Variants in ARHGEF40 observed in about 807,000 individuals in gnomAD.
ARHGEF40 encodes the protein Rho guanine nucleotide exchange factor 40.
A neutral mutation model predicts 165.9 loss-of-function variants in ARHGEF40; 98 were observed. The observed-to-expected ratio is 0.59, with a 90% CI of 0.50 to 0.70. The LOEUF is 0.70. ARHGEF40 is among the 30% of genes least tolerant of loss of function. The pLI, the probability that ARHGEF40 is intolerant of heterozygous loss-of-function variation, is 0.00. For synonymous variants in ARHGEF40, 792 were observed against 814.3 expected, an observed-to-expected ratio of 0.97 and a Z score of 0.47; for missense variants, 1,815 against 1,968.0, an observed-to-expected ratio of 0.92 and a Z score of 1.47.
Position 21,075,650 on chromosome 14 carries a change from G to A in ARHGEF40, c.1624G>A (p.Val542Met). ...ASGFLILTGG[V>M]DQSGRALLTI... ...TGGCCATTTTGTGTCTTCAGGAGGG[G>A]TGGACCAGAGTGGGCGAGCTCTGCT... The change falls in exon 5 of 24, where the codon GTG (valine) becomes ATG (methionine). Residue 542 changes from valine (V) to methionine (M), a missense_variant. By Grantham distance (21) the Val-to-Met change is conservative. Transcript: ENST00000298694. The surrounding 1 kb of genome is among the most constrained non-coding windows in gnomAD (Gnocchi z 4.5). 5 of 1,614,038 alleles carry A rather than the reference G, an allele frequency of 3.1e-6. No individual in the cohort carries two copies. Among genetic ancestry groups the A allele is most frequent in the Middle Eastern group, 1.7e-4 (1 of 6,022 alleles).
chr14:21,082,553 C>A, intron 15 of ARHGEF40, 75 bp downstream of exon 15: 1 of 1,435,582 alleles, frequency 7.0e-7, no homozygotes, highest in Non-Finnish European at 9.3e-7. Context: ...CCCTCTTTCT[C>A]AGTACCCACG....
chr14:21,069,643 A>G (rs1886514919), upstream of ARHGEF40, among the ~76,000 whole-genome samples: 1 of 152,180 alleles, frequency 6.6e-6, no homozygotes, highest in African/African-American at 2.4e-5. Flanking sequence ...CGCCTTCCCC[A>G]GGCAACACAG....
At chr14:21,087,236 C>T in intron 20 of ARHGEF40, 84 bp from the exon 21 acceptor site, 3 of 1,580,648 alleles carry the variant, frequency 1.9e-6, no homozygotes, top group Non-Finnish European at 2.6e-6. Flanking sequence ...CTGGGAGGCC[C>T]TCTGTGAGAC....
intron 18 of ARHGEF40, among the ~76,000 whole-genome samples, chr14:21,085,375 T>G (rs1888250958): frequency 6.6e-6 from 1 of 152,206 alleles, no homozygotes; most frequent in Non-Finnish European, 1.5e-5. Flanking sequence ...TCTAAGGGTT[T>G]CTAGACTTTG....
chr14:21,065,746 G>T (rs1223603232), upstream of ARHGEF40, among the ~76,000 whole-genome samples: 2 of 152,150 alleles, frequency 1.3e-5, no homozygotes, highest in Non-Finnish European at 2.9e-5. Flanking sequence ...CAGAAGGAAA[G>T]AAGAGCAAAA....
chr14:21,082,803 A>T, intron 15 of ARHGEF40, 28 bp from the exon 16 acceptor site: 2 of 1,606,596 alleles, frequency 1.2e-6, no homozygotes, highest in Non-Finnish European at 1.7e-6. Flanking sequence ...CTCACCGGGG[A>T]CTCCTTATCT....
At position 21,079,149 on chromosome 14, in the gene ARHGEF40, G is replaced by C. The variant is rs1393220460; in HGVS notation, c.2373+139G>C. 4.9e-6 allele frequency: 6 copies of C among 1,231,142 alleles called. No homozygotes were observed. The East Asian group carries it at 1.3e-4, about 27-fold the overall frequency. The allele number at this position is 1,231,142 out of a possible 1,614,324, so 76.3% of individuals were successfully genotyped here. A position where few individuals can be genotyped will look rare whatever the true frequency, so the allele number is the denominator to read the frequency against. On this transcript the variant is annotated intron_variant, in intron 11 of 23. Coordinates refer to ENST00000298694, the MANE Select transcript of ARHGEF40 (RefSeq NM_018071.5). ...CCCTCCCTCCTCCTCACATTTGTTG[G>C]TCAGTGTGAGATTGAACAAGAGGGT...
At position 21,075,417 on chromosome 14, in the gene ARHGEF40, A is replaced by G; in HGVS notation, c.1536A>G (p.Pro512=). 4 of 1,614,234 alleles carry G rather than the reference A, an allele frequency of 2.5e-6. No homozygotes were observed. Among genetic ancestry groups the G allele is most frequent in the African/African-American group, 1.3e-5 (1 of 75,062 alleles). Residue 512 remains proline (P), a synonymous_variant, in exon 4 of 24, where the codon CCA becomes CCG. Transcript: ENST00000298694. This position sits in a 1 kb window ranked among gnomAD's most constrained non-coding sequence, Gnocchi z 4.5. ...AGGAAGGAAAAGGGGACAACATTCCAGAAGAGGCCCTTGCAGTCTCCGTCT... is the reference window on the plus strand; with the variant it reads ...AGGAAGGAAAAGGGGACAACATTCCGGAAGAGGCCCTTGCAGTCTCCGTCT... ...TVQEGKGDNI[P]EEALAVSVSD...
At position 21,073,285 on chromosome 14, in the gene ARHGEF40, C is replaced by A. The variant is rs757180835; in HGVS notation, c.201+43C>A. The A allele has an allele frequency of 1.9e-6, 3 of 1,550,508 alleles. No individual in the cohort carries two copies. Among genetic ancestry groups the A allele is most frequent in the Non-Finnish European group, 2.6e-6 (3 of 1,146,204 alleles). ...ACTATTCTGCCTTCCCCAAGATCCA[C>A]TGCCACACTCTACAGACTAGCCAGG... On this transcript the variant is annotated intron_variant, in intron 2 of 23. Transcript: ENST00000298694. The surrounding 1 kb of genome is among the most constrained non-coding windows in gnomAD (Gnocchi z 4.6).
chr14:21,084,720 T>C (rs1483978840), intron 17 of ARHGEF40, 33 bp from the exon 18 acceptor site: 1 of 1,601,520 alleles, frequency 6.2e-7, no homozygotes, highest in Non-Finnish European at 8.5e-7. Flanking sequence ...AAAGGGCCCC[T>C]GGGCCAACCA....
chr14:21,088,047 G>C lies in ARHGEF40; in HGVS notation c.4467G>C (p.Gly1489=). 1 of 1,614,006 alleles carries C rather than the reference G, an allele frequency of 6.2e-7. No individual in the cohort carries two copies. The highest frequency in any genetic ancestry group is 2.2e-5 in the East Asian group (1 of 44,872). Residue 1489 remains glycine (G), a synonymous_variant, in exon 22 of 24, where the codon GGG becomes GGC. Coordinates refer to ENST00000298694, the MANE Select transcript of ARHGEF40 (RefSeq NM_018071.5). ...CCAGCCTGCAACCCCCCCACCCTGG[G>C]AGCAGCACTCCCACCCTGGCCAGTC... is the stretch of plus-strand genomic sequence containing the variant. ...NSPSLQPPHP[G]SSTPTLASRG...
chr14:21,075,258 C>A lies in ARHGEF40; in HGVS notation c.1451-74C>A, dbSNP rs1351677772. 1 of 1,592,302 alleles carries A rather than the reference C, an allele frequency of 6.3e-7. No individual in the cohort carries two copies. ...CTATGGGAGGGGGCAGGAGGAGGAGCAGGGTTAGGCTGGGAGCAGAACAAC... is the reference window on the plus strand; with the variant it reads ...CTATGGGAGGGGGCAGGAGGAGGAGAAGGGTTAGGCTGGGAGCAGAACAAC... On this transcript the variant is annotated intron_variant, in intron 3 of 23. Coordinates refer to ENST00000298694, the MANE Select transcript of ARHGEF40 (RefSeq NM_018071.5). The surrounding 1 kb of genome is among the most constrained non-coding windows in gnomAD (Gnocchi z 4.5).
At chr14:21,078,006 A>G (rs1327770604) in intron 8 of ARHGEF40, among the ~76,000 whole-genome samples, 171 bp from the exon 9 acceptor site, 1 of 152,290 alleles carries the variant, frequency 6.6e-6, no homozygotes, top group Non-Finnish European at 1.5e-5. Context: ...ACTGAAGTTC[A>G]GGAAGGTTTC....
chr14:21,081,498 T>C lies in ARHGEF40; in HGVS notation c.2641-11T>C. 7 of 1,612,532 alleles carry C rather than the reference T, an allele frequency of 4.3e-6. No homozygotes were observed. Among genetic ancestry groups the C allele is most frequent in the African/African-American group, 1.3e-5 (1 of 75,050 alleles). ...CTTTCTCTCCCATCCCCAACCCCTT[T>C]GACTTCGTAGGCACATGAATGGGTG... On this transcript the variant is annotated splice_polypyrimidine_tract_variant and intron_variant, in intron 13 of 23. Coordinates refer to ENST00000298694, the MANE Select transcript of ARHGEF40 (RefSeq NM_018071.5).
chr14:21,084,754 T>C lies in ARHGEF40; in HGVS notation c.3791T>C (p.Ile1264Thr), dbSNP rs1008346266. ...LAVEAVRGCE[I>T]DLKEQGQLLH... ...CACTTTTCCTTTTCCTTTCTCCAGA[T>C]AGATCTGAAGGAGCAGGGACAGCTC... Residue 1264 changes from isoleucine (I) to threonine (T), a missense_variant and splice_region_variant, in exon 18 of 24, where the codon ATA (isoleucine) becomes ACA (threonine). Coordinates refer to ENST00000298694, the MANE Select transcript of ARHGEF40 (RefSeq NM_018071.5). 15 of 1,612,282 alleles carry C rather than the reference T, an allele frequency of 9.3e-6. No individual in the cohort carries two copies. The highest frequency in any genetic ancestry group is 6.7e-5 in the Admixed American group (4 of 59,738).
intron 18 of ARHGEF40, 68 bp downstream of exon 18, chr14:21,084,991 C>T: frequency 6.4e-7 from 1 of 1,562,028 alleles, no homozygotes; most frequent in Non-Finnish European, 8.7e-7. Flanking sequence ...TCAGGATGTT[C>T]TGGAAATTCA....
chr14:21,088,597 G>T (rs1407894689), intron 22 of ARHGEF40, among the ~76,000 whole-genome samples: 1 of 152,042 alleles, frequency 6.6e-6, no homozygotes, highest in African/African-American at 2.4e-5. Context: ...GAAGCAGGAG[G>T]ATCTCTTGAG....
rs115072086 is a variant in ARHGEF40 at position 21,073,080 on chromosome 14, T to G, written c.39T>G (p.Thr13=). ...CAGTGGAGGACTGTGTGCAGAGCACTCTCGCCGCCCTGTATCCACCCTTTG... is the reference window on the plus strand; with the variant it reads ...CAGTGGAGGACTGTGTGCAGAGCACGCTCGCCGCCCTGTATCCACCCTTTG... ...PEPVEDCVQS[T]LAALYPPFEA... Residue 13 remains threonine, a synonymous_variant, in exon 2 of 24, where the codon ACT becomes ACG. Transcript: ENST00000298694. The surrounding 1 kb of genome is among the most constrained non-coding windows in gnomAD (Gnocchi z 4.6). The G allele has an allele frequency of 8.6e-4, 1,388 of 1,614,076 alleles. 13 individuals carry two copies. The African/African-American group carries it at 0.017, about 20-fold the overall frequency.
intron 5 of ARHGEF40, 64 bp from the exon 6 acceptor site, chr14:21,076,296 G>C: frequency 1.5e-6 from 2 of 1,348,438 alleles, no homozygotes; most frequent in Non-Finnish European, 2.1e-6. Flanking sequence ...TGTCTGCCTT[G>C]CCTTATCTGC....
Sources: gnomAD v4.1 joint callset for allele counts (sites outside exome capture counted in the v4.1 genomes callset) on GRCh38, gnomAD v4.1.1 for gene constraint, Gnocchi (gnomAD v3.1) non-coding constraint, MANE v1.5 for transcripts, NCBI Gene and HGNC (gene_info 2026-07-23, HGNC 2026-07-21) for gene names.